Variants in PALM2AKAP2 observed in about 807,000 individuals in gnomAD.
The protein encoded by PALM2AKAP2 is PALM2 and AKAP2 fusion.
A neutral mutation model predicts 71.5 loss-of-function variants in PALM2AKAP2; 37 were observed. The observed-to-expected ratio is 0.52, with a 90% CI of 0.40 to 0.68. PALM2AKAP2 has a LOEUF of 0.68. PALM2AKAP2 is among the 30% of genes least tolerant of loss of function. The pLI, the probability that PALM2AKAP2 is intolerant of heterozygous loss-of-function variation, is 0.00. For synonymous variants in PALM2AKAP2, 468 were observed against 478.8 expected (o/e 0.98, Z 0.29); for missense variants, 1,224 against 1,191.8 (o/e 1.03, Z -0.40).
intron 2 of PALM2AKAP2, among the ~76,000 whole-genome samples, chr9:109,872,161 G>A (rs913066813): frequency 6.6e-6 from 1 of 151,772 alleles, no homozygotes; most frequent in Non-Finnish European, 1.5e-5. Context: ...TTAATATATT[G>A]TAATATTTCA....
At chr9:109,749,339 G>T (rs190017528) in intron 1 of PALM2AKAP2, among the ~76,000 whole-genome samples, 1 of 152,148 alleles carries the variant, frequency 6.6e-6, no homozygotes, top group African/African-American at 2.4e-5. Flanking sequence ...CCACTTTCCT[G>T]GGCCTAGGCA....
At chr9:109,694,839 T>G (rs551975963) in intron 1 of PALM2AKAP2, among the ~76,000 whole-genome samples, 1 of 151,972 alleles carries the variant, frequency 6.6e-6, no homozygotes. Flanking sequence ...AAAAAGTCAA[T>G]GAAAAAGAAA....
At chr9:109,719,437 G>C (rs1232457536) in intron 1 of PALM2AKAP2, among the ~76,000 whole-genome samples, 1 of 152,162 alleles carries the variant, frequency 6.6e-6, no homozygotes, top group Non-Finnish European at 1.5e-5. Context: ...GAGATAGTTA[G>C]AGATAAAGAA....
intron 5 of PALM2AKAP2, among the ~76,000 whole-genome samples, chr9:109,930,329 G>T (rs187347388): frequency 6.6e-6 from 1 of 151,906 alleles, no homozygotes; most frequent in Admixed American, 6.6e-5. Flanking sequence ...GGGTTCAAGC[G>T]ATCCTCCTGC....
intron 1 of PALM2AKAP2, among the ~76,000 whole-genome samples, chr9:109,667,525 C>T (rs1827505396): frequency 6.6e-6 from 1 of 152,226 alleles, no homozygotes; most frequent in Non-Finnish European, 1.5e-5. Context: ...CGTGGTGGCT[C>T]ACGCCTGTAA....
At chr9:109,947,835 A>G (rs1161939395) in intron 6 of PALM2AKAP2, among the ~76,000 whole-genome samples, 3 of 152,230 alleles carry the variant, frequency 2.0e-5, no homozygotes, top group Non-Finnish European at 4.4e-5. Flanking sequence ...TATTGAAACC[A>G]CAGATTCTCA....
rs530843161 is a variant in PALM2AKAP2 at position 110,120,338 on chromosome 9, C to T, written c.157-15789C>T. Among the ~76,000 whole-genome samples, 44 of 152,312 alleles carry T rather than the reference C, an allele frequency of 2.9e-4. 1 individual carries two copies. The highest frequency in any genetic ancestry group is 1.1e-3 in the African/African-American group (44 of 41,576). The stretch of plus-strand genomic sequence containing the variant: ...GAGTCTAAGATCCTTGACAAGGGAA[C>T]TCAACAGATTCGGGGTAGAAATGGG... On this transcript the variant is annotated intron_variant, in intron 1 of 3. Coordinates refer to ENST00000374525, the Ensembl canonical transcript of PALM2AKAP2.
chr9:110,136,385 G>T, exon 2 of PALM2AKAP2: 2 of 1,614,188 alleles, frequency 1.2e-6, no homozygotes, highest in Non-Finnish European at 8.5e-7. Flanking sequence ...TAATGATGTT[G>T]CCAGAGAGAT....
chr9:109,819,408 A>G (rs1449320944), intron 1 of PALM2AKAP2, among the ~76,000 whole-genome samples: 1 of 152,220 alleles, frequency 6.6e-6, no homozygotes, highest in Non-Finnish European at 1.5e-5. Flanking sequence ...AAGTTTCTAT[A>G]ATGCCTCATT....
At chr9:109,957,404 C>T (rs1469808483) in intron 6 of PALM2AKAP2, among the ~76,000 whole-genome samples, 1 of 152,188 alleles carries the variant, frequency 6.6e-6, no homozygotes, top group Non-Finnish European at 1.5e-5. Flanking sequence ...AAGCTGACTC[C>T]CGCACAGAAG....
chr9:109,825,663 G>T (rs1339209852), intron 1 of PALM2AKAP2, among the ~76,000 whole-genome samples: 1 of 152,168 alleles, frequency 6.6e-6, no homozygotes, highest in Admixed American at 6.5e-5. Context: ...ACCACAATGA[G>T]ATACCATCTC....
At chr9:109,712,976 A>T (rs1342199804) in intron 1 of PALM2AKAP2, among the ~76,000 whole-genome samples, 3 of 152,202 alleles carry the variant, frequency 2.0e-5, no homozygotes. Context: ...TTTCACCCTG[A>T]TGGGCCACAC....
intron 1 of PALM2AKAP2, among the ~76,000 whole-genome samples, chr9:109,661,264 C>T (rs750252527): frequency 6.6e-6 from 1 of 152,110 alleles, no homozygotes; most frequent in Non-Finnish European, 1.5e-5. Context: ...ATGGTATTGC[C>T]TAGGTTTTCT....
intron 1 of PALM2AKAP2, among the ~76,000 whole-genome samples, chr9:110,099,222 C>T (rs560721627): frequency 3.6e-4 from 55 of 152,312 alleles, no homozygotes; most frequent in African/African-American, 6.0e-4. Flanking sequence ...GTTTTTCCTA[C>T]GGAATCAATT....
At chr9:110,117,896 TAGAG>T (rs1835398359) in intron 1 of PALM2AKAP2, among the ~76,000 whole-genome samples, 1 of 151,140 alleles carries the variant, frequency 6.6e-6, no homozygotes, top group Non-Finnish European at 1.5e-5. Flanking sequence ...GAGAGAACTA[TAGAG>T]AGAGGGCAAA....
chr9:109,939,482 C>T (rs998392106), intron 6 of PALM2AKAP2, among the ~76,000 whole-genome samples: 4 of 152,124 alleles, frequency 2.6e-5, no homozygotes, highest in Admixed American at 2.0e-4. Flanking sequence ...CTGTATTGAT[C>T]GCAGGCCAGT....
intron 6 of PALM2AKAP2, among the ~76,000 whole-genome samples, chr9:109,937,261 C>T (rs904944108): frequency 6.6e-6 from 1 of 152,058 alleles, no homozygotes; most frequent in Non-Finnish European, 1.5e-5. Flanking sequence ...TAGGTGGGCA[C>T]CTTCCCCAGA....
intron 1 of PALM2AKAP2, among the ~76,000 whole-genome samples, chr9:110,068,533 A>T (rs76753101): frequency 1.4e-4 from 20 of 147,310 alleles, no homozygotes; most frequent in East Asian, 1.9e-4. Context: ...AAAAAAAAAA[A>T]TTTAATTTTT....
chr9:109,809,316 C>A (rs977386311), intron 1 of PALM2AKAP2, among the ~76,000 whole-genome samples: 1 of 152,190 alleles, frequency 6.6e-6, no homozygotes, highest in African/African-American at 2.4e-5. Context: ...CTGCCCAAGG[C>A]CATGGGAACC....
Sources: gnomAD v4.1 joint callset for allele counts (sites outside exome capture counted in the v4.1 genomes callset) on GRCh38, gnomAD v4.1.1 for gene constraint, MANE v1.5 for transcripts, NCBI Gene and HGNC (gene_info 2026-07-23, HGNC 2026-07-21) for gene names.